The following TMEM114 variants were observed in gnomAD, a reference collection of about 807,000 sequenced individuals.
TMEM114 encodes transmembrane protein 114.
In TMEM114, 6 loss-of-function variants were observed where a neutral mutation model predicts 6.2. The observed-to-expected ratio is 0.97, with a 90% confidence interval of 0.53 to 1.91. The LOEUF (loss-of-function observed/expected upper bound fraction) is 1.91, where lower values mean the gene tolerates loss of function less well. Ranked by LOEUF, TMEM114 falls within the 40% of genes most tolerant of loss-of-function variation. The pLI, the probability that TMEM114 is intolerant of heterozygous loss-of-function variation, is 0.01. For missense variants in TMEM114, 218 were observed against 158.3 expected (o/e 1.38, Z -2.02); for synonymous variants, 104 against 73.0 (o/e 1.42, Z -2.16).
chr16:8,534,560 G>A (rs115769994), downstream of TMEM114, among the ~76,000 whole-genome samples: 3,012 of 152,228 alleles, frequency 0.02, 93 homozygotes, highest in African/African-American at 0.067. Flanking sequence ...TCCTTTGGCA[G>A]TGAAAGAAAA....
chr16:8,569,595 G>A lies in TMEM114; in HGVS notation c.*178C>T. The stretch of plus-strand genomic sequence containing the variant: ...GGACACACACGGACATAAGCACACA[G>A]GTACTAGGATAACAGCCAGGCCCCA... On this transcript the variant is annotated 3_prime_UTR_variant, in exon 4 of 4. Transcript: ENST00000620492. 1 of 1,430,784 alleles carries A rather than the reference G, an allele frequency of 7.0e-7. No homozygotes were observed. Among genetic ancestry groups the A allele is most frequent in the Non-Finnish European group, 9.1e-7 (1 of 1,096,462 alleles). The allele number at this position is 1,430,784 out of a possible 1,614,324, so 88.6% of individuals were successfully genotyped here.
chr16:8,575,381 G>A (rs899112945), intron 2 of TMEM114, among the ~76,000 whole-genome samples: 8 of 152,174 alleles, frequency 5.3e-5, no homozygotes, highest in Admixed American at 1.3e-4. Context: ...TCTCTTGCAC[G>A]CATGTTGACA....
downstream of TMEM114, among the ~76,000 whole-genome samples, chr16:8,566,621 G>A (rs941978464): frequency 1.3e-5 from 2 of 152,124 alleles, no homozygotes; most frequent in Admixed American, 6.5e-5. Flanking sequence ...TCCTTACCAC[G>A]GGCCATGGGC....
At position 8,589,905 on chromosome 16, in the gene TMEM114, C is replaced by G. The variant is rs942780257; in HGVS notation, c.-67G>C. Reference sequence around the variant, plus strand: ...GGCGCGACCCCTCTGCTCCTGCCCCCGTCCCCAGCCGGCCACCGCGGGCTC... The same window carrying G: ...GGCGCGACCCCTCTGCTCCTGCCCCGGTCCCCAGCCGGCCACCGCGGGCTC... On this transcript the variant is annotated 5_prime_UTR_variant, in exon 1 of 4. Coordinates refer to ENST00000620492, the MANE Select transcript of TMEM114 (RefSeq NM_001146336.2). The G allele has an allele frequency of 7.6e-6, 3 of 392,570 alleles. No individual in the cohort carries two copies. Among genetic ancestry groups the G allele is most frequent in the Non-Finnish European group, 1.3e-5 (3 of 222,454 alleles). 24.3% of individuals were successfully genotyped at this position (392,570 alleles called of 1,614,324 possible).
chr16:8,527,367 C>T, the TMEM114 span, among the ~76,000 whole-genome samples: 1 of 152,198 alleles, frequency 6.6e-6, no homozygotes, highest in African/African-American at 2.4e-5. Context: ...CACCCAAATT[C>T]AAATCCTGCC....
At chr16:8,584,687 C>T (rs545858338) in intron 2 of TMEM114, among the ~76,000 whole-genome samples, 3 of 152,022 alleles carry the variant, frequency 2.0e-5, no homozygotes, top group South Asian at 4.2e-4. Context: ...TTTGGGAGGC[C>T]GAGGCAGGCA....
chr16:8,564,268 A>C (rs1171080003), intron 2 of TMEM114, among the ~76,000 whole-genome samples: 1 of 97,098 alleles, frequency 1.0e-5, no homozygotes, highest in African/African-American at 3.3e-5. Context: ...TGAGTGATGA[A>C]ATAAGTGAAT....
intron 2 of TMEM114, among the ~76,000 whole-genome samples, chr16:8,559,711 T>C (rs1397273726): frequency 6.6e-6 from 1 of 151,968 alleles, no homozygotes; most frequent in African/African-American, 2.4e-5. Flanking sequence ...AGAATCCCCA[T>C]GCCACCCTCA....
chr16:8,542,878 T>A (rs191747663), intron 2 of TMEM114, among the ~76,000 whole-genome samples: 166 of 152,254 alleles, frequency 1.1e-3, no homozygotes, highest in African/African-American at 3.8e-3. Flanking sequence ...TAGGCCAGAT[T>A]GAAATGCCAG....
intron 2 of TMEM114, chr16:8,537,948 A>T (rs1312311190): frequency 6.6e-6 from 1 of 152,082 alleles, no homozygotes; most frequent in African/African-American, 2.4e-5. Context: ...AAAACAAGAG[A>T]GAAAAGAAAA....
At chr16:8,548,874 G>T (rs78913226) in intron 2 of TMEM114, among the ~76,000 whole-genome samples, 11,261 of 151,942 alleles carry the variant, frequency 0.074, 498 homozygotes, top group Middle Eastern at 0.18. Flanking sequence ...AGATCCAGTT[G>T]TTGCCTGGGT....
chr16:8,549,051 A>G (rs376875347), intron 2 of TMEM114, among the ~76,000 whole-genome samples: 20 of 152,230 alleles, frequency 1.3e-4, no homozygotes, highest in African/African-American at 4.6e-4. Context: ...ACATGGCAGC[A>G]TGCGCCTGCA....
At chr16:8,540,546 T>G (rs1319759133) in intron 2 of TMEM114, among the ~76,000 whole-genome samples, 1 of 152,150 alleles carries the variant, frequency 6.6e-6, no homozygotes, top group East Asian at 1.9e-4. Context: ...TTATCCAAGG[T>G]TGGATAGTCA....
At position 8,569,953 on chromosome 16, in the gene TMEM114, G is replaced by A. The variant is rs1481619818; in HGVS notation, c.492C>T (p.Ala164=). The A allele has an allele frequency of 2.6e-6, 4 of 1,550,918 alleles. No homozygotes were observed. Among genetic ancestry groups the A allele is most frequent in the Non-Finnish European group, 3.5e-6 (4 of 1,146,976 alleles). The part of the protein sequence containing the change: ...ISVYIAYSAA[A]FREALCLLEE... ...CCAAGAGACACAGCGCCTCCCGGAA[G>A]GCGGCGGCTGAATACGCTATGTAGA... Residue 164 remains alanine, a synonymous_variant, in exon 4 of 4, where the codon GCC becomes GCT. Coordinates refer to ENST00000620492, the MANE Select transcript of TMEM114 (RefSeq NM_001146336.2).
At chr16:8,573,729 G>A (rs572496786) in intron 2 of TMEM114, among the ~76,000 whole-genome samples, 5 of 152,134 alleles carry the variant, frequency 3.3e-5, no homozygotes, top group African/African-American at 1.2e-4. Flanking sequence ...TTTGTTCTGG[G>A]AAGTCTTTCC....
chr16:8,536,208 G>C (rs942584838), downstream of TMEM114, among the ~76,000 whole-genome samples: 3 of 148,402 alleles, frequency 2.0e-5, no homozygotes, highest in Non-Finnish European at 4.4e-5. Context: ...CTGGGTGACA[G>C]AGCGAAACTC....
At chr16:8,580,620 TCC>T (rs1164382005) in intron 2 of TMEM114, among the ~76,000 whole-genome samples, 3 of 152,204 alleles carry the variant, frequency 2.0e-5, no homozygotes, top group Non-Finnish European at 4.4e-5. Flanking sequence ...CCAGTTTTTG[TCC>T]ATATATTTAT....
At chr16:8,553,365 G>A (rs566027681) in intron 2 of TMEM114, among the ~76,000 whole-genome samples, 1 of 152,348 alleles carries the variant, frequency 6.6e-6, no homozygotes, top group Admixed American at 6.5e-5. Flanking sequence ...TAGCTGTAGA[G>A]TCCAAAGAAT....
At chr16:8,553,636 C>A (rs1037399675) in intron 2 of TMEM114, among the ~76,000 whole-genome samples, 2 of 152,186 alleles carry the variant, frequency 1.3e-5, no homozygotes, top group South Asian at 2.1e-4. Flanking sequence ...CCGGCGCCTG[C>A]CATCACGCCT....
Sources: allele counts gnomAD v4.1 joint callset (sites outside exome capture counted in the v4.1 genomes callset), GRCh38; gene constraint gnomAD v4.1.1; transcripts MANE v1.5; gene names NCBI Gene and HGNC (gene_info 2026-07-23, HGNC 2026-07-21).